Variants in PDE1C observed in about 807,000 individuals in gnomAD.
PDE1C encodes phosphodiesterase 1C, also known as dual specificity calcium/calmodulin-dependent 3',5'-cyclic nucleotide phosphodiesterase 1C.
A neutral mutation model predicts 93.1 loss-of-function variants in PDE1C; 62 were observed. The observed-to-expected ratio is 0.67, with a 90% CI of 0.54 to 0.82. The LOEUF (loss-of-function observed/expected upper bound fraction) is 0.82, where lower values mean the gene tolerates loss of function less well. Among genes scored for constraint, PDE1C ranks in the 40% least tolerant of loss-of-function variants. The pLI is 0.00. For missense variants in PDE1C, 742 were observed against 884.6 expected, an observed-to-expected ratio of 0.84 and a Z score of 2.04; for synonymous variants, 325 against 310.1, an observed-to-expected ratio of 1.05 and a Z score of -0.50.
intron 1 of PDE1C, among the ~76,000 whole-genome samples, chr7:32,056,547 T>C (rs1047902490): frequency 3.3e-5 from 5 of 152,154 alleles, no homozygotes; most frequent in Admixed American, 2.0e-4. Flanking sequence ...ATATCACTTC[T>C]CCAACCACTG....
chr7:32,342,381 C>T (rs1472703588), intron 1 of PDE1C, among the ~76,000 whole-genome samples: 2 of 139,862 alleles, frequency 1.4e-5, no homozygotes, highest in Non-Finnish European at 3.2e-5. Context: ...CAAAAATAAC[C>T]TTCAAATACT....
At chr7:31,857,803 G>A (rs1474179179) in intron 7 of PDE1C, among the ~76,000 whole-genome samples, 1 of 152,164 alleles carries the variant, frequency 6.6e-6, no homozygotes, top group Non-Finnish European at 1.5e-5. Context: ...TCAGTTAAAA[G>A]AGATAATTCT....
At chr7:31,691,797 TAAAAAAA>T in the PDE1C span, among the ~76,000 whole-genome samples, 2 of 86,558 alleles carry the variant, frequency 2.3e-5, no homozygotes, top group African/African-American at 4.4e-5. Flanking sequence ...ATGTAATGAT[TAAAAAAA>T]AAAAAAAAAA....
At chr7:31,643,293 G>A in the PDE1C span, 1 of 1,613,808 alleles carries the variant, frequency 6.2e-7, no homozygotes. Context: ...GCTCATCACA[G>A]TGTATCCCCA....
intron 6 of PDE1C, among the ~76,000 whole-genome samples, chr7:31,871,253 A>G (rs907239169): frequency 1.3e-5 from 2 of 152,038 alleles, no homozygotes; most frequent in African/African-American, 4.8e-5. Flanking sequence ...CTTAAACATA[A>G]TACTCAAAAC....
chr7:32,310,343 G>C (rs1471661103), intron 1 of PDE1C, among the ~76,000 whole-genome samples: 2 of 152,134 alleles, frequency 1.3e-5, no homozygotes, highest in Non-Finnish European at 2.9e-5. Context: ...ACCGATCAAT[G>C]AGACAGAAAG....
chr7:32,420,213 G>GTGTA (rs200520455), intron 1 of PDE1C, among the ~76,000 whole-genome samples: 186 of 15,980 alleles, frequency 0.012, 53 homozygotes, highest in African/African-American at 0.016. Flanking sequence ...ACATATATAT[G>GTGTA]TATATATACA....
intron 2 of PDE1C, among the ~76,000 whole-genome samples, chr7:31,883,693 T>C (rs1429852666): frequency 6.6e-6 from 1 of 152,190 alleles, no homozygotes; most frequent in Admixed American, 6.5e-5. Flanking sequence ...TCATATCACC[T>C]TGTGATCAGG....
intron 16 of PDE1C, among the ~76,000 whole-genome samples, chr7:31,802,060 A>AAAT (rs1328312871): frequency 6.6e-6 from 1 of 151,466 alleles, no homozygotes; most frequent in Non-Finnish European, 1.5e-5. Flanking sequence ...AGTCATTTAT[A>AAAT]TTTAACGTGA....
At chr7:31,808,312 G>T (rs769987438) in intron 16 of PDE1C, 1 of 363,628 alleles carries the variant, frequency 2.8e-6, no homozygotes, top group Admixed American at 3.5e-5. Flanking sequence ...TTAATATGAT[G>T]TCTGTGTATG....
intron 2 of PDE1C, among the ~76,000 whole-genome samples, chr7:31,996,103 ACAC>A (rs1429906956): frequency 6.9e-4 from 100 of 145,890 alleles, no homozygotes; most frequent in Admixed American, 2.1e-3. Flanking sequence ...ACACACACAC[ACAC>A]TTCCATGCAT....
the PDE1C span, among the ~76,000 whole-genome samples, chr7:31,666,897 T>G: frequency 0.022 from 3,350 of 152,262 alleles, 127 homozygotes; most frequent in African/African-American, 0.076. Context: ...AACAGTGTCT[T>G]TTAAAGAGAA....
chr7:31,723,749 T>G, the PDE1C span, among the ~76,000 whole-genome samples: 1 of 152,182 alleles, frequency 6.6e-6, no homozygotes, highest in Admixed American at 6.6e-5. Context: ...TCATATCGGA[T>G]AATAGGGCTG....
At chr7:32,235,799 G>T (rs1021340709) in intron 1 of PDE1C, among the ~76,000 whole-genome samples, 10 of 152,066 alleles carry the variant, frequency 6.6e-5, no homozygotes, top group African/African-American at 2.2e-4. Context: ...TATGCAAGCT[G>T]ATTTTGAAAT....
At chr7:32,030,427 T>A (rs1311895536) in intron 2 of PDE1C, among the ~76,000 whole-genome samples, 1 of 152,120 alleles carries the variant, frequency 6.6e-6, no homozygotes, top group African/African-American at 2.4e-5. Flanking sequence ...CGTGGATATA[T>A]CCTTGAATAC....
intron 16 of PDE1C, among the ~76,000 whole-genome samples, chr7:31,792,113 G>A (rs1035468142): frequency 5.3e-5 from 8 of 152,196 alleles, no homozygotes; most frequent in African/African-American, 1.9e-4. Context: ...GTGACGTGAT[G>A]ACCTGAGTCA....
intron 1 of PDE1C, among the ~76,000 whole-genome samples, chr7:32,283,419 T>G (rs2128893522): frequency 6.6e-6 from 1 of 152,326 alleles, no homozygotes. Flanking sequence ...AGGTAGGATT[T>G]TTGTGTTCTC....
chr7:32,242,724 T>C (rs549869472), intron 1 of PDE1C, among the ~76,000 whole-genome samples: 3 of 152,154 alleles, frequency 2.0e-5, no homozygotes, highest in Non-Finnish European at 4.4e-5. Flanking sequence ...AAAGCAGCCA[T>C]GAGAAGGGAG....
chr7:32,157,385 T>A (rs1450139256), intron 3 of PDE1C, among the ~76,000 whole-genome samples: 1 of 152,208 alleles, frequency 6.6e-6, no homozygotes, highest in African/African-American at 2.4e-5. Flanking sequence ...GACATCCCCG[T>A]TACCCTGATT....
Sources: gnomAD v4.1 joint callset for allele counts (sites outside exome capture counted in the v4.1 genomes callset) on GRCh38, gnomAD v4.1.1 for gene constraint, MANE v1.5 for transcripts, NCBI Gene and HGNC (gene_info 2026-07-23, HGNC 2026-07-21) for gene names.